NCOR2: variants seen among roughly 807,000 people sequenced by gnomAD.
The protein encoded by NCOR2 is CTG repeat protein 26.
In NCOR2, 81 loss-of-function variants were observed where a neutral mutation model predicts 262.9. The observed-to-expected ratio is 0.31, with a 90% CI of 0.26 to 0.37. The LOEUF is 0.37. Ranked by LOEUF, NCOR2 falls within the 10% of genes least tolerant of loss-of-function variation. NCOR2 has a pLI of 1.00. For synonymous variants in NCOR2, 1,659 were observed against 1,559.3 expected (o/e 1.06, Z -1.51); for missense variants, 3,385 against 3,621.4 (o/e 0.93, Z 1.68).
At chr12:124,488,631 G>GA (rs1444259018) in intron 1 of NCOR2, among the ~76,000 whole-genome samples, 3 of 152,218 alleles carry the variant, frequency 2.0e-5, no homozygotes, top group Non-Finnish European at 2.9e-5. Flanking sequence ...GGGCTGGAGG[G>GA]AGGGAGTGGA....
chr12:124,348,279 C>T lies in NCOR2; in HGVS notation c.3880G>A (p.Gly1294Ser), dbSNP rs201631835. Residue 1294 changes from glycine to serine, a missense_variant, in exon 29 of 47, where the codon GGC becomes AGC. Coordinates refer to ENST00000405201, the Ensembl canonical transcript of NCOR2. Reference sequence around the variant, plus strand: ...TGGGGGGGTCCTGAGCTGCTTCTGCCGTCCTCCTTGGAGCACTGGGTCACA... The same window carrying T: ...TGGGGGGGTCCTGAGCTGCTTCTGCTGTCCTCCTTGGAGCACTGGGTCACA... 536 of 1,612,742 alleles carry T rather than the reference C, an allele frequency of 3.3e-4. 2 individuals are homozygous for T. The African/African-American group carries it at 5.9e-3, about 18-fold the overall frequency.
At chr12:124,403,415 C>A (rs897841687) in intron 13 of NCOR2, among the ~76,000 whole-genome samples, 1 of 152,130 alleles carries the variant, frequency 6.6e-6, no homozygotes, top group Admixed American at 6.5e-5. Flanking sequence ...GGGCCTACCG[C>A]CCCTCCCCTC....
chr12:124,459,528 G>A (rs2046053465), intron 5 of NCOR2, among the ~76,000 whole-genome samples: 1 of 152,094 alleles, frequency 6.6e-6, no homozygotes, highest in Non-Finnish European at 1.5e-5. Flanking sequence ...GGAGTCGGCT[G>A]TGCTCTAACC....
At chr12:124,327,454 T>G (rs200471155) in exon 45 of NCOR2, 2 of 1,612,918 alleles carry the variant, frequency 1.2e-6, no homozygotes, top group South Asian at 2.2e-5. Context: ...GCAGCGGTTA[T>G]GGGCATAGCA....
chr12:124,565,768 A>T (rs1331706500), intron 1 of NCOR2, among the ~76,000 whole-genome samples: 1 of 152,206 alleles, frequency 6.6e-6, no homozygotes, highest in African/African-American at 2.4e-5. Flanking sequence ...TGCAGATGGG[A>T]AACCTGACAG....
In NCOR2 at chr12:124,566,708, A is replaced by G. The variant is rs1392716115; in HGVS notation, c.-165+600T>C. ...GCCACGGGAGGCAGGCCCAGACACC[A>G]GGAACACCGGCCCGCGGGGGAGGGG... On this transcript the variant is annotated intron_variant, in intron 1 of 32. Coordinates refer to the NCOR2 transcript ENST00000458234. The surrounding 1 kb of genome is among the most constrained non-coding windows in gnomAD (Gnocchi z 4.3). 6.6e-6 allele frequency among the ~76,000 whole-genome samples: 1 copy of G among 152,188 alleles called. No homozygotes were observed. The highest frequency in any genetic ancestry group is 2.4e-5 in the African/African-American group (1 of 41,460).
At chr12:124,354,667 T>C in intron 25 of NCOR2, 85 bp from the exon 28 acceptor site, 1 of 1,345,950 alleles carries the variant, frequency 7.4e-7, no homozygotes, top group Non-Finnish European at 9.9e-7. Context: ...AGCCAGGGGC[T>C]GGGAAGCGCT....
chr12:124,372,022 C>G, exon 20 of NCOR2: 1 of 1,585,096 alleles, frequency 6.3e-7, no homozygotes, highest in Non-Finnish European at 8.6e-7. Context: ...GCCCACTCAC[C>G]GGTTCTTGTC....
At chr12:124,495,976 A>G (rs1221870476), upstream of NCOR2, among the ~76,000 whole-genome samples, 1 of 152,128 alleles carries the variant, frequency 6.6e-6, no homozygotes, top group African/African-American at 2.4e-5. The surrounding 1 kb of genome is among the most constrained non-coding windows in gnomAD (Gnocchi z 4.4). Flanking sequence ...GGGCTACACC[A>G]GGAAGAGCCA....
intron 1 of NCOR2, among the ~76,000 whole-genome samples, chr12:124,500,635 T>A (rs756740933): frequency 6.6e-6 from 1 of 152,052 alleles, no homozygotes; most frequent in African/African-American, 2.4e-5. Context: ...CACACCTGTG[T>A]CCTCTTCCCA....
intron 16 of NCOR2, 53 bp from the exon 19 acceptor site, chr12:124,385,940 G>C: frequency 6.3e-7 from 1 of 1,580,646 alleles, no homozygotes; most frequent in African/African-American, 1.3e-5. Flanking sequence ...CACGCAGAGG[G>C]GGCCTGCATC....
chr12:124,363,760 G>A (rs562528404), exon 21 of NCOR2: 7 of 1,385,008 alleles, frequency 5.1e-6, no homozygotes, highest in South Asian at 3.8e-5. Flanking sequence ...CCCGGGGGTC[G>A]CCAGTCGGGG....
At chr12:124,325,548 G>T in exon 47 of NCOR2, 6 of 1,331,794 alleles carry the variant, frequency 4.5e-6, no homozygotes, top group Admixed American at 3.9e-5. Flanking sequence ...GCCTGCAGCC[G>T]CATGATCAGG....
chr12:124,565,443 C>T (rs2052206226), intron 1 of NCOR2, among the ~76,000 whole-genome samples: 1 of 152,152 alleles, frequency 6.6e-6, no homozygotes, highest in South Asian at 2.1e-4. Flanking sequence ...CTGGGCCTGA[C>T]TCAGTCTTTG....
At chr12:124,424,859 C>T (rs1480217750) in intron 11 of NCOR2, among the ~76,000 whole-genome samples, 1 of 152,198 alleles carries the variant, frequency 6.6e-6, no homozygotes, top group Admixed American at 6.5e-5. Flanking sequence ...TCCCTGCGTC[C>T]CCTCCTGGCC....
At chr12:124,488,597 A>C (rs1309161227) in intron 1 of NCOR2, among the ~76,000 whole-genome samples, 3 of 152,210 alleles carry the variant, frequency 2.0e-5, no homozygotes, top group Non-Finnish European at 4.4e-5. Context: ...AGGTGCTCTC[A>C]GTGGGAGGAG....
intron 1 of NCOR2, among the ~76,000 whole-genome samples, chr12:124,541,331 G>T (rs1310261339): frequency 6.3e-5 from 1 of 15,848 alleles, no homozygotes; most frequent in Non-Finnish European, 1.5e-4. Context: ...AGGGGGATGG[G>T]GAGTGGAGAT....
chr12:124,334,564 G>C, exon 41 of NCOR2: 1 of 1,415,416 alleles, frequency 7.1e-7, no homozygotes, highest in Non-Finnish European at 9.2e-7. Context: ...GGGCGGGCAG[G>C]GGTGCGCTGA....
At chr12:124,363,127 C>G (rs773673461) in intron 21 of NCOR2, among the ~76,000 whole-genome samples, 1 of 152,256 alleles carries the variant, frequency 6.6e-6, no homozygotes, top group Non-Finnish European at 1.5e-5. Context: ...GGGACTGGGC[C>G]GTGTAGCCTG....
Sources: allele counts gnomAD v4.1 joint callset (sites outside exome capture counted in the v4.1 genomes callset), GRCh38; gene constraint gnomAD v4.1.1; non-coding constraint Gnocchi (gnomAD v3.1); transcripts MANE v1.5; gene names NCBI Gene and HGNC (gene_info 2026-07-23, HGNC 2026-07-21).